CABCOCO1: variants seen among roughly 807,000 people sequenced by gnomAD.
CABCOCO1 encodes the protein ciliary associated calcium binding coiled-coil 1.
CABCOCO1 carries 28 observed loss-of-function variants against 35.7 expected under a neutral mutation model. That is an observed-to-expected ratio of 0.78 (90% CI 0.58 to 1.07). The LOEUF (loss-of-function observed/expected upper bound fraction) is 1.07, where lower values mean the gene tolerates loss of function less well. Ranked by LOEUF, CABCOCO1 falls within the 50% of genes least tolerant of loss-of-function variation. CABCOCO1 has a pLI of 0.00. For synonymous variants in CABCOCO1, 95 were observed against 100.1 expected, an observed-to-expected ratio of 0.95 and a Z score of 0.30; for missense variants, 326 against 309.2, an observed-to-expected ratio of 1.05 and a Z score of -0.41.
At chr10:61,748,712 C>T (rs1365441517) in intron 5 of CABCOCO1, among the ~76,000 whole-genome samples, 8 of 152,172 alleles carry the variant, frequency 5.3e-5, no homozygotes, top group Admixed American at 3.3e-4. Flanking sequence ...GCAGTAAGAT[C>T]GCATTCTCTG....
chr10:61,720,399 G>T (rs1840975561), intron 5 of CABCOCO1, among the ~76,000 whole-genome samples: 1 of 152,154 alleles, frequency 6.6e-6, no homozygotes, highest in African/African-American at 2.4e-5. Flanking sequence ...TACATACTCA[G>T]TCAAACTGGC....
intron 2 of CABCOCO1, among the ~76,000 whole-genome samples, chr10:61,675,616 G>A (rs1296562194): frequency 6.6e-6 from 1 of 152,158 alleles, no homozygotes; most frequent in Non-Finnish European, 1.5e-5. Context: ...TACGTAGTGT[G>A]CAGATGGCAG....
intron 5 of CABCOCO1, among the ~76,000 whole-genome samples, chr10:61,716,233 T>A (rs1046968832): frequency 6.6e-6 from 1 of 152,146 alleles, no homozygotes; most frequent in Non-Finnish European, 1.5e-5. Flanking sequence ...TACTGACATA[T>A]CTTTGTTATT....
In CABCOCO1 at chr10:61,745,877, C is replaced by T. The variant is rs184069462; in HGVS notation, c.553-14182C>T. ...GAGATGTAACAGTTGGGTTGACCTA[C>T]AACTGGTTCTCTGAGACTAGAGTTC... On this transcript the variant is annotated intron_variant, in intron 5 of 7. Transcript: ENST00000648843. Among the ~76,000 whole-genome samples the T allele has an allele frequency of 1.8e-4, 28 of 152,292 alleles. 1 individual carries two copies. Among genetic ancestry groups the T allele is most frequent in the South Asian group, 1.4e-3 (7 of 4,830 alleles).
chr10:61,761,066 TA>T (rs1841999564), intron 7 of CABCOCO1, 63 bp downstream of exon 7: 1 of 1,550,438 alleles, frequency 6.4e-7, no homozygotes, highest in African/African-American at 1.4e-5. Context: ...ACCTTAACTT[TA>T]ATGTCTATAA....
chr10:61,765,397 A>G (rs938235571), intron 7 of CABCOCO1, among the ~76,000 whole-genome samples: 14 of 152,222 alleles, frequency 9.2e-5, no homozygotes, highest in African/African-American at 2.9e-4. Flanking sequence ...TTTTTTACCA[A>G]AAATATATCA....
At chr10:61,698,454 A>G (rs1246997797) in intron 5 of CABCOCO1, among the ~76,000 whole-genome samples, 5 of 152,148 alleles carry the variant, frequency 3.3e-5, no homozygotes, top group African/African-American at 1.2e-4. Context: ...ATTATAATAA[A>G]TATGATATAC....
intron 5 of CABCOCO1, among the ~76,000 whole-genome samples, chr10:61,734,906 A>T (rs1841382243): frequency 6.6e-6 from 1 of 152,126 alleles, no homozygotes; most frequent in African/African-American, 2.4e-5. Context: ...TTAATTTGTG[A>T]GACCAGATTA....
At chr10:61,708,766 A>G (rs887801870) in intron 5 of CABCOCO1, among the ~76,000 whole-genome samples, 1 of 152,192 alleles carries the variant, frequency 6.6e-6, no homozygotes, top group Non-Finnish European at 1.5e-5. Flanking sequence ...TTCAGACCAT[A>G]GCAACCTACT....
rs180741631 is a variant in CABCOCO1, at chr10:61,760,764, G to A, written c.676-99G>A. The A allele has an allele frequency of 5.4e-3, 7,133 of 1,322,688 alleles. 59 individuals carry two copies. Among genetic ancestry groups the A allele is most frequent in the Middle Eastern group, 0.05 (184 of 3,662 alleles). 81.9% of individuals were successfully genotyped at this position (1,322,688 alleles called of 1,614,324 possible). ...TTGCACTTGTATCCTGGAACTTAAA[G>A]TAAAATAAAATATATTTAAAACAAG... On this transcript the variant is annotated intron_variant, in intron 6 of 7. Transcript: ENST00000648843.
At position 61,676,711 on chromosome 10, in the gene CABCOCO1, C is replaced by A. The variant is rs1395300612; in HGVS notation, c.164+3976C>A. The stretch of plus-strand genomic sequence containing the variant: ...TTATAAACTTAAAAGAAAAAGTAAC[C>A]TATAGAGGACATTAAAAAGAAATCC... On this transcript the variant is annotated intron_variant, in intron 2 of 7. Transcript: ENST00000648843. Among the ~76,000 whole-genome samples the A allele has an allele frequency of 2.0e-5, 3 of 151,956 alleles. No homozygotes were observed. The East Asian group carries it at 5.8e-4, about 29-fold the overall frequency.
chr10:61,672,869 T>C (rs1444736466), intron 2 of CABCOCO1, 134 bp downstream of exon 2: 3 of 549,128 alleles, frequency 5.5e-6, no homozygotes, highest in Non-Finnish European at 6.9e-6. Flanking sequence ...TATCTAGACT[T>C]CAAAACACAA....
At chr10:61,698,846 C>A (rs1184716201) in intron 5 of CABCOCO1, among the ~76,000 whole-genome samples, 1 of 151,936 alleles carries the variant, frequency 6.6e-6, no homozygotes, top group Non-Finnish European at 1.5e-5. Context: ...TAAACATTCA[C>A]CCTTTTAAGA....
chr10:61,705,382 A>G (rs536674680), intron 5 of CABCOCO1, among the ~76,000 whole-genome samples: 13 of 152,334 alleles, frequency 8.5e-5, no homozygotes, highest in Admixed American at 1.3e-4. Flanking sequence ...TTATCAAGGT[A>G]TTTATTGAAC....
chr10:61,766,192 C>T lies in CABCOCO1; in HGVS notation c.*179C>T, dbSNP rs1172880496. The T allele has an allele frequency of 2.0e-6, 1 of 505,914 alleles. No individual in the cohort carries two copies. Among genetic ancestry groups the T allele is most frequent in the Admixed American group, 3.3e-5 (1 of 29,958 alleles). The allele number at this position is 505,914 out of a possible 1,614,324, so 31.3% of individuals were successfully genotyped here. A position where few individuals can be genotyped will look rare whatever the true frequency, so the allele number is the denominator to read the frequency against. ...TGGTCCCAATTTTGCTATCTCCCAT[C>T]CCATAACAGCCTCTGAATTTATTGC... On this transcript the variant is annotated 3_prime_UTR_variant, in exon 8 of 8. Transcript: ENST00000648843.
chr10:61,726,629 A>C (rs1213330646), intron 5 of CABCOCO1, among the ~76,000 whole-genome samples: 1 of 151,888 alleles, frequency 6.6e-6, no homozygotes, highest in Admixed American at 6.6e-5. Flanking sequence ...TCTGGTGGGG[A>C]AAATATTGTA....
chr10:61,680,820 ACGTTGAATTTCACAG>A (rs2131976274), intron 2 of CABCOCO1, among the ~76,000 whole-genome samples: 1 of 145,212 alleles, frequency 6.9e-6, no homozygotes, highest in East Asian at 2.0e-4. Flanking sequence ...ATGAAAAAAG[ACGTTGAATTTCACAG>A]AAAAATATAC....
intron 5 of CABCOCO1, among the ~76,000 whole-genome samples, chr10:61,723,749 C>A (rs1158259549): frequency 6.6e-6 from 1 of 152,166 alleles, no homozygotes; most frequent in Non-Finnish European, 1.5e-5. Context: ...CAGGACCCCA[C>A]CCTTAGGACT....
chr10:61,672,211 C>G (rs1449808441), intron 1 of CABCOCO1, among the ~76,000 whole-genome samples: 1 of 152,146 alleles, frequency 6.6e-6, no homozygotes, highest in Admixed American at 6.5e-5. Context: ...TTCTTTTAGA[C>G]TGAATGCCGC....
Sources: allele counts gnomAD v4.1 joint callset (sites outside exome capture counted in the v4.1 genomes callset), GRCh38; gene constraint gnomAD v4.1.1; transcripts MANE v1.5; gene names NCBI Gene and HGNC (gene_info 2026-07-23, HGNC 2026-07-21).